The following NAA15 variants were observed in gnomAD, a reference collection of about 807,000 sequenced individuals.
NAA15 encodes the protein N-terminal acetyltransferase.
NAA15 carries 34 observed loss-of-function variants against 114.0 expected under a neutral mutation model. The observed-to-expected ratio is 0.30, with a 90% confidence interval of 0.23 to 0.40. The LOEUF is 0.40. Among genes scored for constraint, NAA15 ranks in the 10% least tolerant of loss-of-function variants. The pLI, the probability that NAA15 is intolerant of heterozygous loss-of-function variation, is 1.00. For missense variants in NAA15, 658 were observed against 1,004.5 expected, an observed-to-expected ratio of 0.66 and a Z score of 4.66; for synonymous variants, 340 against 338.0, an observed-to-expected ratio of 1.01 and a Z score of -0.06.
intron 1 of NAA15, among the ~76,000 whole-genome samples, chr4:139,326,472 A>G (rs1579094762): frequency 6.6e-6 from 1 of 152,170 alleles, no homozygotes; most frequent in South Asian, 2.1e-4. Context: ...ATTGCTCTCC[A>G]TGATTTAAGG....
At chr4:139,328,619 G>A (rs1199166218) in intron 1 of NAA15, among the ~76,000 whole-genome samples, 2 of 148,258 alleles carry the variant, frequency 1.3e-5, no homozygotes, top group Non-Finnish European at 3.0e-5. Context: ...CCAGGCTGGA[G>A]TGCAGTGGCG....
chr4:139,338,232 A>G (rs1747262498), intron 3 of NAA15, among the ~76,000 whole-genome samples: 1 of 152,194 alleles, frequency 6.6e-6, no homozygotes. Flanking sequence ...AATGGGAGCT[A>G]GATTTTAATG....
In NAA15 at chr4:139,344,359, C is replaced by A; in HGVS notation, c.691+20C>A. 1.9e-6 allele frequency: 3 copies of A among 1,584,774 alleles called. No individual in the cohort carries two copies. The South Asian group carries it at 3.4e-5, about 18-fold the overall frequency. The stretch of plus-strand genomic sequence containing the variant: ...CCAAAGGTATTTTTAAAAGAATTGT[C>A]ATTTATTCTAATATTGAAATATGAC... On this transcript the variant is annotated intron_variant, in intron 6 of 19. Transcript: ENST00000296543.
At chr4:139,331,452 CTT>C (rs544614680) in intron 1 of NAA15, among the ~76,000 whole-genome samples, 5 of 143,418 alleles carry the variant, frequency 3.5e-5, no homozygotes, top group Admixed American at 7.0e-5. Flanking sequence ...TTCTTTCTTT[CTT>C]TTTTTTTTTT....
chr4:139,384,669 T>C (rs1377267394), intron 17 of NAA15, among the ~76,000 whole-genome samples, 163 bp from the exon 18 acceptor site: 1 of 151,436 alleles, frequency 6.6e-6, no homozygotes, highest in Non-Finnish European at 1.5e-5. Flanking sequence ...GTGGGAGGAT[T>C]GCATGAGCCT....
At chr4:139,323,053 C>CTT (rs67137305) in intron 1 of NAA15, among the ~76,000 whole-genome samples, 17 of 117,474 alleles carry the variant, frequency 1.4e-4, no homozygotes, top group South Asian at 8.2e-4. Context: ...CTTTTCTTTT[C>CTT]TTTTTTTTTT....
intron 1 of NAA15, among the ~76,000 whole-genome samples, chr4:139,329,823 A>C (rs1051559316): frequency 6.6e-6 from 1 of 152,198 alleles, no homozygotes; most frequent in Non-Finnish European, 1.5e-5. Flanking sequence ...CATCTCTTGC[A>C]GAGTGCCTCA....
chr4:139,318,761 A>G (rs1332755716), intron 1 of NAA15, among the ~76,000 whole-genome samples: 2 of 151,674 alleles, frequency 1.3e-5, no homozygotes, highest in Non-Finnish European at 2.9e-5. Flanking sequence ...GGCTGAGGCA[A>G]GAGAATTGCT....
chr4:139,366,891 G>A (rs1748300814), intron 14 of NAA15, among the ~76,000 whole-genome samples: 1 of 152,154 alleles, frequency 6.6e-6, no homozygotes, highest in Non-Finnish European at 1.5e-5. Context: ...TTACAGGCAT[G>A]AGCCACCACG....
intron 15 of NAA15, among the ~76,000 whole-genome samples, chr4:139,371,541 A>ACACACG (rs1239183843): frequency 8.7e-5 from 13 of 148,724 alleles, no homozygotes; most frequent in Admixed American, 3.3e-4. Context: ...ACACACACAC[A>ACACACG]CGAAATATAG....
At chr4:139,341,334 G>A (rs1198950579) in intron 4 of NAA15, among the ~76,000 whole-genome samples, 1 of 151,816 alleles carries the variant, frequency 6.6e-6, no homozygotes, top group Non-Finnish European at 1.5e-5. Context: ...GGTGGCTCAC[G>A]CCTGTAGTCC....
chr4:139,351,532 A>G lies in NAA15; in HGVS notation c.935A>G (p.Lys312Arg), dbSNP rs1469715328. ...GAGAAGTTTAAAGAATGTTTGGATA[A>G]GTTCCTAAGGATGAATTTCAGCAAG... Reference protein sequence around the residue: ...SGEKFKECLDKFLRMNFSKGC... With the variant: ...SGEKFKECLDRFLRMNFSKGC... Residue 312 changes from lysine to arginine, a missense_variant, in exon 9 of 20, where the codon AAG becomes AGG. Physicochemically the swap from Lys to Arg is conservative, Grantham distance 26 (BLOSUM62 2). This residue lies in a region of NAA15 where 281 missense variants were observed against 389.1 expected (regional missense o/e 0.72). Coordinates refer to ENST00000296543, the MANE Select transcript of NAA15 (RefSeq NM_057175.5). 2 of 1,603,440 alleles carry G rather than the reference A, an allele frequency of 1.2e-6. No homozygotes were observed. The highest frequency in any genetic ancestry group is 2.7e-5 in the African/African-American group (2 of 74,856).
chr4:139,351,584 A>G lies in NAA15; in HGVS notation c.987A>G (p.Leu329=), dbSNP rs1373823128. The G allele has an allele frequency of 2.5e-6, 4 of 1,581,542 alleles. No individual in the cohort carries two copies. Among genetic ancestry groups the G allele is most frequent in the Admixed American group, 1.7e-5 (1 of 59,874 alleles). ...GTTGCCCACCAGTCTTCAATACTTT[A>G]AGATCATTATACAAAGACAAAGAAA... ...SKGCPPVFNT[L]RSLYKDKEKV... is the part of the protein sequence containing the mutation. The change falls in exon 9 of 20, where the codon TTA becomes TTG. Residue 329 remains leucine (L), a synonymous_variant. Coordinates refer to ENST00000296543, the MANE Select transcript of NAA15 (RefSeq NM_057175.5).
intron 6 of NAA15, among the ~76,000 whole-genome samples, chr4:139,344,755 T>G (rs1747527593): frequency 6.6e-6 from 1 of 152,158 alleles, no homozygotes; most frequent in African/African-American, 2.4e-5. Context: ...GATGAATCAG[T>G]CTTTACTAAA....
At chr4:139,362,217 A>G (rs1349368444) in intron 14 of NAA15, among the ~76,000 whole-genome samples, 4 of 152,260 alleles carry the variant, frequency 2.6e-5, no homozygotes, top group Non-Finnish European at 4.4e-5. Context: ...TAACTATTTT[A>G]CAGGTACTAG....
intron 15 of NAA15, among the ~76,000 whole-genome samples, chr4:139,370,735 T>A (rs1271345935): frequency 2.0e-5 from 3 of 152,198 alleles, no homozygotes; most frequent in African/African-American, 7.2e-5. Context: ...CTCTGATGGT[T>A]TTCTCATCTA....
chr4:139,334,275 A>G lies in NAA15; in HGVS notation c.139+17A>G. The G allele has an allele frequency of 2.0e-6, 3 of 1,527,476 alleles. No homozygotes were observed. The highest frequency in any genetic ancestry group is 2.7e-6 in the Non-Finnish European group (3 of 1,119,384). 94.6% of individuals were successfully genotyped at this position (1,527,476 alleles called of 1,614,324 possible). A position where few individuals can be genotyped will look rare whatever the true frequency, so the allele number is the denominator to read the frequency against. On this transcript the variant is annotated intron_variant, in intron 2 of 19. Transcript: ENST00000296543. ...AGCATGGAGGTAAGTGCAAGTAGAT[A>G]AAGCTTTACTACATACCTGTCTGGC...
chr4:139,331,685 G>A (rs75749243), intron 1 of NAA15, among the ~76,000 whole-genome samples: 3 of 146,920 alleles, frequency 2.0e-5, no homozygotes, highest in African/African-American at 7.6e-5. Context: ...GGCTGGTCTC[G>A]AACTCTTGAC....
At chr4:139,363,018 A>G (rs1039940611) in intron 14 of NAA15, among the ~76,000 whole-genome samples, 3 of 152,174 alleles carry the variant, frequency 2.0e-5, no homozygotes, top group African/African-American at 7.2e-5. Flanking sequence ...CCTGTTGCCT[A>G]AGGACAGTTT....
Sources: allele counts gnomAD v4.1 joint callset (sites outside exome capture counted in the v4.1 genomes callset), GRCh38; gene constraint gnomAD v4.1.1; regional missense constraint gnomAD v4.1.1; transcripts MANE v1.5; gene names NCBI Gene and HGNC (gene_info 2026-07-23, HGNC 2026-07-21).